The following HYCC2 variants were observed in gnomAD, a reference collection of about 807,000 sequenced individuals.
HYCC2 encodes the protein hyccin 2.
the HYCC2 span, among the ~76,000 whole-genome samples, chr2:201,042,157 C>G: frequency 6.6e-6 from 1 of 152,230 alleles, no homozygotes; most frequent in East Asian, 1.9e-4. Flanking sequence ...AGGGTTTCGC[C>G]GTGTTGGCCG....
At chr2:201,069,637 C>T in the HYCC2 span, among the ~76,000 whole-genome samples, 1 of 151,552 alleles carries the variant, frequency 6.6e-6, no homozygotes, top group Non-Finnish European at 1.5e-5. Context: ...AAAGATTTAA[C>T]TGGTACTCAA....
the HYCC2 span, chr2:201,011,593 G>GTTTT: frequency 7.3e-6 from 4 of 548,916 alleles, no homozygotes; most frequent in Non-Finnish European, 1.2e-5. Flanking sequence ...AAACAGTAAT[G>GTTTT]TATAAAAACA....
chr2:201,023,698 A>G, the HYCC2 span: 1 of 267,442 alleles, frequency 3.7e-6, no homozygotes, highest in Admixed American at 5.2e-5. Context: ...TTTACTGAAT[A>G]TATTTTAAAA....
the HYCC2 span, among the ~76,000 whole-genome samples, chr2:201,054,620 T>A: frequency 6.6e-6 from 1 of 152,130 alleles, no homozygotes; most frequent in Admixed American, 6.5e-5. Context: ...CTTGGGCATA[T>A]CTTAAGTACA....
At chr2:201,038,930 A>T in the HYCC2 span, among the ~76,000 whole-genome samples, 1 of 140,792 alleles carries the variant, frequency 7.1e-6, no homozygotes, top group Non-Finnish European at 1.6e-5. Context: ...TTGTTGATTA[A>T]AAAAAAAAAG....
the HYCC2 span, among the ~76,000 whole-genome samples, chr2:201,039,723 G>A: frequency 6.2e-3 from 940 of 152,158 alleles, 5 homozygotes; most frequent in African/African-American, 0.021. Context: ...CCAACTAACT[G>A]AATAAAAGAA....
the HYCC2 span, among the ~76,000 whole-genome samples, chr2:201,029,960 A>T: frequency 6.6e-6 from 1 of 152,186 alleles, no homozygotes. Context: ...AGTCATGCAC[A>T]CCGGTAGTCC....
At chr2:201,011,502 A>AT in the HYCC2 span, 2 of 1,101,414 alleles carry the variant, frequency 1.8e-6, no homozygotes, top group Non-Finnish European at 2.5e-6. Context: ...AAAGATAATG[A>AT]AATAATCACA....
chr2:201,012,452 C>T, the HYCC2 span, among the ~76,000 whole-genome samples: 1 of 151,848 alleles, frequency 6.6e-6, no homozygotes, highest in Non-Finnish European at 1.5e-5. Flanking sequence ...AGAGTGACAC[C>T]CTGTCTCAAA....
chr2:201,053,111 C>T, the HYCC2 span, among the ~76,000 whole-genome samples: 2 of 151,964 alleles, frequency 1.3e-5, no homozygotes, highest in Non-Finnish European at 2.9e-5. Flanking sequence ...CCAGTACTAT[C>T]TATTAAATCT....
chr2:200,987,611 A>G, the HYCC2 span: 1 of 1,101,454 alleles, frequency 9.1e-7, no homozygotes, highest in Non-Finnish European at 1.2e-6. Context: ...GGCAGATAAG[A>G]GAATGTATAT....
the HYCC2 span, chr2:200,988,483 CAT>C: frequency 8.1e-6 from 10 of 1,235,214 alleles, no homozygotes; most frequent in South Asian, 6.0e-5. Context: ...GTTTATACTA[CAT>C]GTGTCCATAA....
chr2:201,048,985 A>G, the HYCC2 span, among the ~76,000 whole-genome samples: 3 of 151,834 alleles, frequency 2.0e-5, no homozygotes, highest in Non-Finnish European at 4.4e-5. Context: ...AACAACAACC[A>G]GGGTGTGGTG....
At chr2:201,023,866 G>T in the HYCC2 span, 1 of 921,754 alleles carries the variant, frequency 1.1e-6, no homozygotes, top group Non-Finnish European at 1.7e-6. Flanking sequence ...TTTCTCCATA[G>T]AGCACATAAT....
chr2:200,994,058 C>T, the HYCC2 span, among the ~76,000 whole-genome samples: 1 of 151,792 alleles, frequency 6.6e-6, no homozygotes, highest in East Asian at 1.9e-4. Context: ...TCTTCAATTT[C>T]AAGGAGAAAA....
At chr2:200,990,230 TATTAA>T in the HYCC2 span, among the ~76,000 whole-genome samples, 1 of 152,152 alleles carries the variant, frequency 6.6e-6, no homozygotes, top group African/African-American at 2.4e-5. Flanking sequence ...ATAATTTTGG[TATTAA>T]ATTTAAGTTT....
the HYCC2 span, among the ~76,000 whole-genome samples, chr2:200,990,818 G>A: frequency 6.6e-6 from 1 of 152,072 alleles, no homozygotes; most frequent in African/African-American, 2.4e-5. Context: ...TGATACACCC[G>A]CCTCGGCCTC....
chr2:201,062,358 C>T, the HYCC2 span, among the ~76,000 whole-genome samples: 25 of 151,562 alleles, frequency 1.6e-4, no homozygotes, highest in African/African-American at 5.6e-4. Flanking sequence ...ATTAAAAATA[C>T]AAAAATGAGG....
chr2:200,990,074 T>TAA, the HYCC2 span, among the ~76,000 whole-genome samples: 2 of 152,278 alleles, frequency 1.3e-5, no homozygotes, highest in East Asian at 3.9e-4. Flanking sequence ...CCCTTTAATA[T>TAA]AAAACCTCAA....
Sources: gnomAD v4.1 joint callset for allele counts (sites outside exome capture counted in the v4.1 genomes callset) on GRCh38, gnomAD v4.1.1 for gene constraint, MANE v1.5 for transcripts, NCBI Gene and HGNC (gene_info 2026-07-23, HGNC 2026-07-21) for gene names.